IFT43: variants seen among roughly 807,000 people sequenced by gnomAD.
The protein encoded by IFT43 is intraflagellar transport protein 43 homolog.
In IFT43, 33 loss-of-function variants were observed where a neutral mutation model predicts 32.3. The ratio of observed to expected loss-of-function variants is 1.02; its 90% CI spans 0.77 to 1.37. The LOEUF is 1.37. IFT43 is among the 40% of genes most tolerant of loss of function. The pLI, the probability that IFT43 is intolerant of heterozygous loss-of-function variation, is 0.00. For missense variants in IFT43, 274 were observed against 265.9 expected, an observed-to-expected ratio of 1.03 and a Z score of -0.21; for synonymous variants, 93 against 98.2, an observed-to-expected ratio of 0.95 and a Z score of 0.31.
intron 2 of IFT43, among the ~76,000 whole-genome samples, chr14:76,009,564 A>C (rs1044135192): frequency 6.6e-6 from 1 of 152,060 alleles, no homozygotes; most frequent in Non-Finnish European, 1.5e-5. Context: ...GCTTAAATGG[A>C]TAAGTGTTTG....
chr14:76,043,583 A>G (rs912107254), intron 3 of IFT43, among the ~76,000 whole-genome samples: 3 of 152,020 alleles, frequency 2.0e-5, no homozygotes, highest in Non-Finnish European at 2.9e-5. Context: ...CCTTTTTGAC[A>G]TGGGACAACC....
In IFT43 at chr14:76,040,188, C is replaced by G. The variant is rs373513085; in HGVS notation, c.215+17794C>G. ...CAGGCTGGTTTTGAACTCCTGGGCTCAAGCCAGTACTTTGGCCTCTCAAAG... is the reference window on the plus strand; with the variant it reads ...CAGGCTGGTTTTGAACTCCTGGGCTGAAGCCAGTACTTTGGCCTCTCAAAG... On this transcript the variant is annotated intron_variant, in intron 3 of 8. Coordinates refer to ENST00000314067, the MANE Select transcript of IFT43 (RefSeq NM_001102564.3). Among the ~76,000 whole-genome samples the G allele has an allele frequency of 5.3e-5, 8 of 151,456 alleles. No homozygotes were observed. In the South Asian group the frequency reaches 1.7e-3, roughly 32 times the overall value.
intron 2 of IFT43, among the ~76,000 whole-genome samples, chr14:76,019,504 T>C (rs1327105076): frequency 1.7e-4 from 26 of 152,166 alleles, no homozygotes; most frequent in Non-Finnish European, 3.7e-4. Flanking sequence ...TTGAATTTTA[T>C]CTTTGTCTTT....
intron 3 of IFT43, among the ~76,000 whole-genome samples, chr14:76,036,258 T>A (rs988608074): frequency 2.0e-5 from 3 of 152,178 alleles, no homozygotes; most frequent in African/African-American, 7.2e-5. Context: ...AAAATGTGTT[T>A]TATAGGTGGA....
rs2037354124 is a variant in IFT43, at chr14:76,073,337, T to G, written c.296-8958T>G. ...ACAGGCATGTTTGTGCATCTGAAGT[T>G]GGACTTAGGACGTCACTTGGCCCTC... On this transcript the variant is annotated intron_variant, in intron 5 of 8. Coordinates refer to ENST00000314067, the MANE Select transcript of IFT43 (RefSeq NM_001102564.3). Among the ~76,000 whole-genome samples, 3 of 152,212 alleles carry G rather than the reference T, an allele frequency of 2.0e-5. No individual in the cohort carries two copies. In the South Asian group the frequency reaches 6.2e-4, roughly 31 times the overall value.
At chr14:76,052,902 G>A (rs994151914) in intron 3 of IFT43, among the ~76,000 whole-genome samples, 1 of 152,194 alleles carries the variant, frequency 6.6e-6, no homozygotes, top group African/African-American at 2.4e-5. Flanking sequence ...TCCCCGTCCT[G>A]AAAATATTAG....
At chr14:75,999,258 TATATATATATATATGTA>T (rs1566699446) in intron 2 of IFT43, among the ~76,000 whole-genome samples, 31 of 13,840 alleles carry the variant, frequency 2.2e-3, no homozygotes, top group African/African-American at 9.2e-3. Context: ...TATATATATA[TATATATATATATATGTA>T]TATATATTTT....
chr14:76,036,408 C>CTTTTTTTTTTTT (rs3086747), intron 3 of IFT43, among the ~76,000 whole-genome samples: 1 of 119,750 alleles, frequency 8.4e-6, no homozygotes, highest in Non-Finnish European at 1.7e-5. Flanking sequence ...TTCTGTCTTT[C>CTTTTTTTTTTTT]TTTTTTTTTT....
At chr14:76,076,239 G>T (rs1272848756) in intron 5 of IFT43, among the ~76,000 whole-genome samples, 1 of 152,216 alleles carries the variant, frequency 6.6e-6, no homozygotes, top group Non-Finnish European at 1.5e-5. Context: ...GCACCCTGAG[G>T]AAGCTGGAAA....
At position 76,058,660 on chromosome 14, in the gene IFT43, T is replaced by G. The variant is rs546363738; in HGVS notation, c.234T>G (p.Ser78=). The change falls in exon 4 of 9, where the codon TCT becomes TCG. Residue 78 remains serine, a synonymous_variant. Coordinates refer to ENST00000314067, the MANE Select transcript of IFT43 (RefSeq NM_001102564.3). ...VKASKFRRKA[S]EEIEDFRLRP... ...TTTTCAGGTTTAGGAGGAAGGCTTCTGAAGAAATAGAAGAGTACGTTTCCA... is the reference window on the plus strand; with the variant it reads ...TTTTCAGGTTTAGGAGGAAGGCTTCGGAAGAAATAGAAGAGTACGTTTCCA... 6.2e-7 allele frequency: 1 copy of G among 1,612,806 alleles called. No homozygotes were observed. Among genetic ancestry groups the G allele is most frequent in the African/African-American group, 1.3e-5 (1 of 74,988 alleles).
intron 3 of IFT43, among the ~76,000 whole-genome samples, chr14:76,030,486 C>T (rs2036490119): frequency 1.3e-5 from 2 of 152,208 alleles, no homozygotes; most frequent in African/African-American, 2.4e-5. Flanking sequence ...TATATACACA[C>T]TGCCCATTGC....
chr14:76,069,623 A>G (rs771537424), intron 5 of IFT43, among the ~76,000 whole-genome samples: 7 of 152,104 alleles, frequency 4.6e-5, no homozygotes, highest in African/African-American at 9.7e-5. Context: ...TAATCTCTAA[A>G]TATGCAATTA....
intron 2 of IFT43, among the ~76,000 whole-genome samples, chr14:76,017,411 G>C (rs2036209585): frequency 6.6e-6 from 1 of 152,092 alleles, no homozygotes; most frequent in South Asian, 2.1e-4. Context: ...AGTTGATCAT[G>C]GTGTATTATC....
chr14:75,989,023 G>T (rs762743052), intron 2 of IFT43, 46 bp downstream of exon 2: 1 of 1,607,198 alleles, frequency 6.2e-7, no homozygotes, highest in Non-Finnish European at 8.5e-7. Flanking sequence ...CTGTTTAAGA[G>T]TTAGTGATTC....
intron 3 of IFT43, among the ~76,000 whole-genome samples, chr14:76,030,339 A>T (rs1384778279): frequency 6.6e-6 from 1 of 152,130 alleles, no homozygotes; most frequent in Non-Finnish European, 1.5e-5. Context: ...TATTAGTATT[A>T]GAGTACGTGC....
chr14:76,035,253 C>A (rs1474302579), intron 3 of IFT43, among the ~76,000 whole-genome samples: 1 of 152,150 alleles, frequency 6.6e-6, no homozygotes, highest in Non-Finnish European at 1.5e-5. Flanking sequence ...ATTTTACTTT[C>A]TAACAACTCC....
intron 2 of IFT43, among the ~76,000 whole-genome samples, chr14:76,004,116 A>G (rs1566702527): frequency 6.6e-6 from 1 of 152,142 alleles, no homozygotes; most frequent in African/African-American, 2.4e-5. Context: ...ACTGAGAGAT[A>G]TTCTGCCTTT....
chr14:76,016,303 T>C (rs1040552707), intron 2 of IFT43, among the ~76,000 whole-genome samples: 6 of 152,180 alleles, frequency 3.9e-5, no homozygotes, highest in African/African-American at 1.4e-4. Flanking sequence ...GCACCACTTA[T>C]TGAGGAGACT....
intron 5 of IFT43, among the ~76,000 whole-genome samples, chr14:76,063,364 CTGGACT>C (rs1375900853): frequency 6.6e-6 from 1 of 152,232 alleles, no homozygotes; most frequent in Non-Finnish European, 1.5e-5. Context: ...TCCAGTCGGT[CTGGACT>C]TCTAGAGCTT....
Sources: allele counts gnomAD v4.1 joint callset (sites outside exome capture counted in the v4.1 genomes callset), GRCh38; gene constraint gnomAD v4.1.1; transcripts MANE v1.5; gene names NCBI Gene and HGNC (gene_info 2026-07-23, HGNC 2026-07-21).